Variants in LOXL2 observed in about 807,000 individuals in gnomAD.
LOXL2 encodes lysyl oxidase like 2, also known as lysyl oxidase homolog 2.
LOXL2 carries 70 observed loss-of-function variants against 93.0 expected under a neutral mutation model. The observed-to-expected ratio is 0.75, with a 90% confidence interval of 0.62 to 0.92. The LOEUF is 0.92. Ranked by LOEUF, LOXL2 falls within the 40% of genes least tolerant of loss-of-function variation. LOXL2 has a pLI of 0.00. For synonymous variants in LOXL2, 438 were observed against 413.2 expected, an observed-to-expected ratio of 1.06 and a Z score of -0.73; for missense variants, 973 against 1,054.9, an observed-to-expected ratio of 0.92 and a Z score of 1.08.
intron 3 of LOXL2, among the ~76,000 whole-genome samples, chr8:23,358,971 A>T (rs1414009300): frequency 6.6e-6 from 1 of 151,718 alleles, no homozygotes; most frequent in Non-Finnish European, 1.5e-5. Context: ...CCTCCTGAGT[A>T]GCTGGGACTA....
At chr8:23,327,337 G>A (rs890546258) in intron 6 of LOXL2, among the ~76,000 whole-genome samples, 3 of 152,206 alleles carry the variant, frequency 2.0e-5, no homozygotes, top group Non-Finnish European at 4.4e-5. Context: ...TGGATGTGGT[G>A]TGAGGCCCTG....
At chr8:23,380,406 A>AAAAAAAAAAAAAAAG (rs57485192) in intron 1 of LOXL2, among the ~76,000 whole-genome samples, 5 of 128,500 alleles carry the variant, frequency 3.9e-5, no homozygotes, top group African/African-American at 1.5e-4. Flanking sequence ...AAAAAAAAAA[A>AAAAAAAAAAAAAAAG]AAAAAGACAT....
At chr8:23,380,406 A>AAAAAAAG (rs57485192) in intron 1 of LOXL2, among the ~76,000 whole-genome samples, 31,401 of 128,092 alleles carry the variant, frequency 0.25, 5,454 homozygotes, top group African/African-American at 0.42. Flanking sequence ...AAAAAAAAAA[A>AAAAAAAG]AAAAAGACAT....
intron 1 of LOXL2, among the ~76,000 whole-genome samples, chr8:23,396,848 G>C (rs933153854): frequency 3.3e-5 from 5 of 152,230 alleles, no homozygotes; most frequent in African/African-American, 1.2e-4. Context: ...TATTCTTGAT[G>C]TAGTAGCAAG....
chr8:23,346,142 T>TAAAAAAAA (rs1554479818), intron 3 of LOXL2, among the ~76,000 whole-genome samples: 2 of 112,552 alleles, frequency 1.8e-5, no homozygotes, highest in Non-Finnish European at 1.9e-5. Flanking sequence ...TAAAATAAAA[T>TAAAAAAAA]AAATAAAATA....
chr8:23,385,413 A>T (rs1183873506), intron 1 of LOXL2, among the ~76,000 whole-genome samples: 8 of 136,308 alleles, frequency 5.9e-5, no homozygotes, highest in African/African-American at 1.9e-4. Flanking sequence ...CACCCAGCTA[A>T]TTTTTTTTTT....
At chr8:23,323,916 G>T (rs934687108) in intron 6 of LOXL2, among the ~76,000 whole-genome samples, 1 of 152,146 alleles carries the variant, frequency 6.6e-6, no homozygotes, top group African/African-American at 2.4e-5. Context: ...TGGCCAGGAT[G>T]GTCTCGATCT....
rs766890648 is a variant in LOXL2 at position 23,333,642 on chromosome 8, G to T, written c.744-19C>A. 9 of 1,597,590 alleles carry T rather than the reference G, an allele frequency of 5.6e-6. No individual in the cohort carries two copies. Among genetic ancestry groups the T allele is most frequent in the East Asian group, 2.2e-5 (1 of 44,730 alleles). ...AAACATTCTGCAGACGATGGGAGGG[G>T]ACAGGGGACCAGGGCATCATGACGC... On this transcript the variant is annotated intron_variant, in intron 4 of 13. Coordinates refer to ENST00000389131, the MANE Select transcript of LOXL2 (RefSeq NM_002318.3).
rs773163068 is a variant in LOXL2, at chr8:23,368,204, G to A, written c.148C>T (p.Pro50Ser). ...PAPEYHQPQA[P>S]ANVAKIQLRL... is the part of the protein sequence containing the mutation. ...AGCTGAATCTTGGCCACGTTGGCGG[G>A]GGCCTGGGGCTGGTGATACTCAGGA... The change falls in exon 2 of 14, where the codon CCC becomes TCC. Residue 50 changes from proline (P) to serine (S), a missense_variant. Pro to Ser is a moderately conservative substitution (Grantham distance 74, BLOSUM62 -1). Coordinates refer to ENST00000389131, the MANE Select transcript of LOXL2 (RefSeq NM_002318.3). 6.2e-7 allele frequency: 1 copy of A among 1,614,052 alleles called. No homozygotes were observed. Among genetic ancestry groups the A allele is most frequent in the Non-Finnish European group, 8.5e-7 (1 of 1,180,030 alleles).
chr8:23,307,831 T>A (rs1803253962), intron 10 of LOXL2, among the ~76,000 whole-genome samples: 1 of 152,048 alleles, frequency 6.6e-6, no homozygotes, highest in South Asian at 2.1e-4. Context: ...ACGTTCAGAA[T>A]ATTCAATTGT....
At chr8:23,348,707 C>G (rs966199051) in intron 3 of LOXL2, among the ~76,000 whole-genome samples, 1 of 152,070 alleles carries the variant, frequency 6.6e-6, no homozygotes, top group Non-Finnish European at 1.5e-5. Flanking sequence ...GAAACCCCGT[C>G]TCTACTAAAA....
intron 6 of LOXL2, among the ~76,000 whole-genome samples, chr8:23,327,561 G>C: frequency 6.6e-6 from 1 of 152,114 alleles, no homozygotes; most frequent in South Asian, 2.1e-4. Flanking sequence ...TGCTGGTCAA[G>C]GCTGAAAAGA....
At chr8:23,348,184 C>T (rs543569879) in intron 3 of LOXL2, among the ~76,000 whole-genome samples, 2 of 144,736 alleles carry the variant, frequency 1.4e-5, no homozygotes, top group South Asian at 2.1e-4. Context: ...CATGTTCTCA[C>T]GCGTAGGTGG....
chr8:23,399,693 G>A (rs558446839), intron 1 of LOXL2, among the ~76,000 whole-genome samples: 2 of 152,166 alleles, frequency 1.3e-5, no homozygotes, highest in Admixed American at 6.5e-5. Context: ...ATAAACTACC[G>A]AGTTTCAGGT....
At chr8:23,333,346 C>T in intron 5 of LOXL2, 55 bp downstream of exon 5, 3 of 1,521,890 alleles carry the variant, frequency 2.0e-6, no homozygotes, top group Middle Eastern at 1.7e-4. Context: ...ACTCCCTCAA[C>T]ACCCTCCCAT....
chr8:23,306,127 A>G (rs937586421), intron 10 of LOXL2, among the ~76,000 whole-genome samples: 2 of 152,186 alleles, frequency 1.3e-5, no homozygotes, highest in African/African-American at 4.8e-5. Flanking sequence ...TCAGTGTTTT[A>G]AGACATGGCA....
chr8:23,393,942 G>A (rs564502598), intron 1 of LOXL2, among the ~76,000 whole-genome samples: 12 of 152,298 alleles, frequency 7.9e-5, no homozygotes, highest in African/African-American at 2.4e-4. Flanking sequence ...CAGAATAGAC[G>A]TTGAATAAAT....
chr8:23,371,317 A>G (rs568890145), intron 1 of LOXL2, among the ~76,000 whole-genome samples: 2 of 152,338 alleles, frequency 1.3e-5, no homozygotes, highest in African/African-American at 4.8e-5. Context: ...AAAAGGAAAA[A>G]TCATCCCAGA....
chr8:23,328,139 C>CGA (rs1803613098), intron 6 of LOXL2, among the ~76,000 whole-genome samples: 1 of 152,146 alleles, frequency 6.6e-6, no homozygotes, highest in African/African-American at 2.4e-5. Context: ...TATGTTATCT[C>CGA]ACCTTGGATG....
Sources: allele counts gnomAD v4.1 joint callset (sites outside exome capture counted in the v4.1 genomes callset), GRCh38; gene constraint gnomAD v4.1.1; transcripts MANE v1.5; gene names NCBI Gene and HGNC (gene_info 2026-07-23, HGNC 2026-07-21).